TICAM2: variants seen among roughly 807,000 people sequenced by gnomAD.
TICAM2 encodes the protein TIR domain containing adaptor molecule 2, also known as TIR domain-containing adapter molecule 2.
In TICAM2, 8 loss-of-function variants were observed where a neutral mutation model predicts 7.3. The ratio of observed to expected loss-of-function variants is 1.10; its 90% CI spans 0.65 to 1.99. The LOEUF is 1.99. TICAM2 is among the 30% of genes most tolerant of loss of function. The pLI, the probability that TICAM2 is intolerant of heterozygous loss-of-function variation, is 0.00. For missense variants in TICAM2, 304 were observed against 278.8 expected, an observed-to-expected ratio of 1.09 and a Z score of -0.65; for synonymous variants, 113 against 99.6, an observed-to-expected ratio of 1.13 and a Z score of -0.80.
chr5:115,580,821 C>T lies in TICAM2; in HGVS notation c.436G>A (p.Asp146Asn), dbSNP rs758523428. 6.2e-7 allele frequency: 1 copy of T among 1,602,916 alleles called. No individual in the cohort carries two copies. The highest frequency in any genetic ancestry group is 1.1e-5 in the South Asian group (1 of 89,468). The part of the protein sequence containing the change: ...ILLLTENFLR[D>N]TWCNFQFYTS... ...TAGAACTGGAAATTACACCAAGTAT[C>T]TCTTAAAAAGTTTTCAGTCAGTAAT... Residue 146 changes from aspartate to asparagine, a missense_variant, in exon 2 of 2, where the codon GAT becomes AAT. Physicochemically the swap from Asp to Asn is conservative, Grantham distance 23 (BLOSUM62 1). Transcript: ENST00000427199.
At chr5:115,584,186 A>G (rs1346388398) in intron 1 of TICAM2, among the ~76,000 whole-genome samples, 1 of 152,176 alleles carries the variant, frequency 6.6e-6, no homozygotes. Flanking sequence ...AAATGTCCCA[A>G]AATTCAAACA....
At chr5:115,590,813 GA>G (rs1200951848) in intron 1 of TICAM2, among the ~76,000 whole-genome samples, 32 of 152,130 alleles carry the variant, frequency 2.1e-4, no homozygotes, top group African/African-American at 6.3e-4. Context: ...TAACTCCTAT[GA>G]AAAGTTATTT....
Position 115,580,212 on chromosome 5 carries a change from GTGT to G in TICAM2, c.*334_*336del, listed in dbSNP as rs1754866266. The G allele has an allele frequency of 5.3e-6, 1 of 189,112 alleles. No homozygotes were observed. Among genetic ancestry groups the G allele is most frequent in the South Asian group, 1.6e-4 (1 of 6,216 alleles). 11.7% of individuals were successfully genotyped at this position (189,112 alleles called of 1,614,324 possible). A position where few individuals can be genotyped will look rare whatever the true frequency, so the allele number is the denominator to read the frequency against. ...TGAGATCAAAATTCAGAGAATAAAA[GTGT>G]TGTCACATTTTTAAAAATGTCTGTC... is the stretch of plus-strand genomic sequence containing the variant. On this transcript the variant is annotated 3_prime_UTR_variant, in exon 2 of 2. Transcript: ENST00000427199.
intron 1 of TICAM2, among the ~76,000 whole-genome samples, chr5:115,590,964 A>T (rs540199178): frequency 6.6e-6 from 1 of 152,194 alleles, no homozygotes; most frequent in South Asian, 2.1e-4. Flanking sequence ...CTGTTTCTCA[A>T]ATATCAAAAT....
intron 1 of TICAM2, 105 bp from the exon 2 acceptor site, chr5:115,581,420 A>G (rs1245745712): frequency 4.8e-6 from 6 of 1,256,802 alleles, no homozygotes; most frequent in East Asian, 5.1e-5. Flanking sequence ...TAATAGACAG[A>G]TCCAAATACA....
chr5:115,596,885 C>T (rs1755532778), intron 1 of TICAM2, among the ~76,000 whole-genome samples: 1 of 152,158 alleles, frequency 6.6e-6, no homozygotes, highest in South Asian at 2.1e-4. Flanking sequence ...CGCCACTGCA[C>T]ACTCCAGCCT....
At chr5:115,599,923 G>C (rs1755657993) in intron 1 of TICAM2, among the ~76,000 whole-genome samples, 1 of 151,800 alleles carries the variant, frequency 6.6e-6, no homozygotes, top group South Asian at 2.1e-4. Flanking sequence ...GGAAATGAAA[G>C]TTCTGAGTAT....
In TICAM2 at chr5:115,580,265, A is replaced by G. The variant is rs1465103994; in HGVS notation, c.*284T>C. The stretch of plus-strand genomic sequence containing the variant: ...CATACAAGTTTTTGTTCAAGGTTCA[A>G]TACAAGGAATATGGATTGAGAATTC... On this transcript the variant is annotated 3_prime_UTR_variant, in exon 2 of 2. Transcript: ENST00000427199. 1 of 292,368 alleles carries G rather than the reference A, an allele frequency of 3.4e-6. No individual in the cohort carries two copies. The highest frequency in any genetic ancestry group is 6.2e-6 in the Non-Finnish European group (1 of 161,366). 18.1% of individuals were successfully genotyped at this position (292,368 alleles called of 1,614,324 possible). A position where few individuals can be genotyped will look rare whatever the true frequency, so the allele number is the denominator to read the frequency against.
intron 1 of TICAM2, among the ~76,000 whole-genome samples, chr5:115,598,979 A>C (rs1254190667): frequency 6.6e-6 from 1 of 151,900 alleles, no homozygotes; most frequent in Non-Finnish European, 1.5e-5. Context: ...CTCTAGGCCC[A>C]GCTATTTGGG....
Position 115,581,046 on chromosome 5 carries a change from C to T in TICAM2, c.211G>A (p.Glu71Lys), listed in dbSNP as rs762259368. 6.2e-7 allele frequency: 1 copy of T among 1,614,174 alleles called. No individual in the cohort carries two copies. The highest frequency in any genetic ancestry group is 2.2e-5 in the East Asian group (1 of 44,880). ...AGGAACACCTCTTCTTCAGCTTCTT[C>T]TTCAAACATCTCTTCCACGCTCTGA... is the stretch of plus-strand genomic sequence containing the variant. ...GAQSVEEMFE[E>K]EAEEEVFLKF... is the part of the protein sequence containing the mutation. The change falls in exon 2 of 2, where the codon GAA (glutamate) becomes AAA (lysine). Residue 71 changes from glutamate to lysine, a missense_variant. By Grantham distance (56) the Glu-to-Lys change is moderately conservative. Coordinates refer to ENST00000427199, the MANE Select transcript of TICAM2 (RefSeq NM_021649.7).
intron 1 of TICAM2, among the ~76,000 whole-genome samples, chr5:115,589,778 A>T (rs1654352525): frequency 6.6e-6 from 1 of 152,156 alleles, no homozygotes; most frequent in Non-Finnish European, 1.5e-5. Flanking sequence ...TAGACTGCAA[A>T]CTCGATCAGA....
At chr5:115,594,087 G>A (rs1453949035) in intron 1 of TICAM2, among the ~76,000 whole-genome samples, 2 of 152,054 alleles carry the variant, frequency 1.3e-5, no homozygotes, top group East Asian at 3.9e-4. Flanking sequence ...TTTCTCTTCT[G>A]CCAGGATGTC....
At chr5:115,581,356 T>A in intron 1 of TICAM2, 41 bp from the exon 2 acceptor site, 1 of 1,526,850 alleles carries the variant, frequency 6.5e-7, no homozygotes, top group Non-Finnish European at 8.8e-7. Context: ...ATAAATTTAA[T>A]CAAAACATTA....
At chr5:115,590,875 TTAAC>T (rs1168127060) in intron 1 of TICAM2, among the ~76,000 whole-genome samples, 12 of 152,312 alleles carry the variant, frequency 7.9e-5, no homozygotes, top group South Asian at 2.1e-4. Flanking sequence ...CAAGATCCAT[TTAAC>T]TATACCATCA....
intron 1 of TICAM2, among the ~76,000 whole-genome samples, chr5:115,585,436 A>C (rs562807327): frequency 2.8e-4 from 42 of 152,326 alleles, no homozygotes; most frequent in African/African-American, 9.9e-4. Context: ...CTGTTTAGCC[A>C]GCTGACATTT....
At chr5:115,592,508 T>A (rs1580415041) in intron 1 of TICAM2, among the ~76,000 whole-genome samples, 1 of 152,104 alleles carries the variant, frequency 6.6e-6, no homozygotes, top group Admixed American at 6.6e-5. Context: ...TCTCTCTCAA[T>A]TATTATTAAA....
At chr5:115,596,640 C>T (rs995753859) in intron 1 of TICAM2, among the ~76,000 whole-genome samples, 2 of 152,222 alleles carry the variant, frequency 1.3e-5, no homozygotes, top group African/African-American at 4.8e-5. Context: ...AGAACCTTGG[C>T]TGGGCGCGGT....
At position 115,581,314 on chromosome 5, in the gene TICAM2, A is replaced by C. The variant is rs1216726732; in HGVS notation, c.-58T>G. ...ATGTATTTCTCAGCATTTCTTTTCA[A>C]TCTAAAAGAAGTAACAAAACAGAAG... On this transcript the variant is annotated splice_region_variant and 5_prime_UTR_variant, in exon 2 of 2. Transcript: ENST00000427199. The C allele has an allele frequency of 7.5e-6, 12 of 1,596,346 alleles. No individual in the cohort carries two copies. The highest frequency in any genetic ancestry group is 1.0e-5 in the Non-Finnish European group (12 of 1,178,330).
Position 115,581,139 on chromosome 5 carries a change from G to C in TICAM2, c.118C>G (p.Leu40Val), listed in dbSNP as rs1754907865. The C allele has an allele frequency of 6.2e-7, 1 of 1,614,078 alleles. No individual in the cohort carries two copies. The highest frequency in any genetic ancestry group is 8.5e-7 in the Non-Finnish European group (1 of 1,180,026). ...HESDSKKSED[L>V]SLCNVAEHSN... ...TGCTCAGCAACATTACACAAGGATA[G>C]ATCTTCAGACTTCTTGGAATCTGAC... Residue 40 changes from leucine (L) to valine (V), a missense_variant, in exon 2 of 2, where the codon CTA (leucine) becomes GTA (valine). Leu to Val is a conservative substitution (Grantham distance 32, BLOSUM62 1). Transcript: ENST00000427199.
Sources: gnomAD v4.1 joint callset for allele counts (sites outside exome capture counted in the v4.1 genomes callset) on GRCh38, gnomAD v4.1.1 for gene constraint, MANE v1.5 for transcripts, NCBI Gene and HGNC (gene_info 2026-07-23, HGNC 2026-07-21) for gene names.